UPF2: variants seen among roughly 807,000 people sequenced by gnomAD.
UPF2 encodes regulator of nonsense transcripts 2.
UPF2 carries 17 observed loss-of-function variants against 141.4 expected under a neutral mutation model. That is an observed-to-expected ratio of 0.12 (90% CI 0.08 to 0.18). UPF2 has a LOEUF of 0.18. UPF2 is among the 10% of genes least tolerant of loss of function. The probability of loss-of-function intolerance (pLI) is 1.00; values close to 1 mark genes in which losing one functional copy is unlikely to be tolerated. For synonymous variants in UPF2, 540 were observed against 498.0 expected, an observed-to-expected ratio of 1.08 and a Z score of -1.12; for missense variants, 1,152 against 1,515.9, an observed-to-expected ratio of 0.76 and a Z score of 3.99.
intron 9 of UPF2, among the ~76,000 whole-genome samples, chr10:11,972,412 T>C (rs1261058184): frequency 1.3e-5 from 2 of 152,230 alleles, no homozygotes; most frequent in African/African-American, 4.8e-5. Context: ...CTTTAAGTTC[T>C]AGGGTGCATG....
At position 12,014,230 on chromosome 10, in the gene UPF2, G is replaced by A; in HGVS notation, c.1146-46C>T. 7.6e-7 allele frequency: 1 copy of A among 1,322,872 alleles called. No individual in the cohort carries two copies. Among genetic ancestry groups the A allele is most frequent in the South Asian group, 2.8e-5 (1 of 36,136 alleles). The allele number at this position is 1,322,872 out of a possible 1,614,324, so 81.9% of individuals were successfully genotyped here. ...CTGACAGTCTTATCAAAATAGATGT[G>A]ATCACAAATTGTTATATATGGGAAA... On this transcript the variant is annotated intron_variant, in intron 3 of 21. Coordinates refer to ENST00000357604, the MANE Select transcript of UPF2 (RefSeq NM_015542.4). This position sits in a 1 kb window ranked among gnomAD's most constrained non-coding sequence, Gnocchi z 5.0.
chr10:12,017,369 C>G (rs967025065), intron 3 of UPF2, among the ~76,000 whole-genome samples: 1 of 152,194 alleles, frequency 6.6e-6, no homozygotes, highest in African/African-American at 2.4e-5. Flanking sequence ...CTAAGGATTT[C>G]TAACATATAA....
chr10:11,970,302 A>C (rs1396897163), intron 9 of UPF2, among the ~76,000 whole-genome samples: 1 of 152,234 alleles, frequency 6.6e-6, no homozygotes, highest in Non-Finnish European at 1.5e-5. Flanking sequence ...AAATAACAGA[A>C]AATTATACAT....
intron 3 of UPF2, among the ~76,000 whole-genome samples, chr10:12,021,386 T>TA (rs1384156604): frequency 6.7e-6 from 1 of 149,480 alleles, no homozygotes; most frequent in Admixed American, 6.7e-5. Context: ...AAAATTTTTT[T>TA]AAATTAGCCA....
At chr10:12,024,931 C>CCAA (rs1834389422) in intron 3 of UPF2, among the ~76,000 whole-genome samples, 2 of 53,488 alleles carry the variant, frequency 3.7e-5, no homozygotes, top group Non-Finnish European at 3.2e-5. Flanking sequence ...GACCCTGTTA[C>CCAA]AAAAAAAAAA....
intron 3 of UPF2, among the ~76,000 whole-genome samples, chr10:12,021,022 G>A (rs539394426): frequency 7.0e-4 from 107 of 152,132 alleles, no homozygotes; most frequent in African/African-American, 2.3e-3. Flanking sequence ...AATATTGAGC[G>A]GCTAACATGT....
chr10:11,951,036 A>C (rs1833067730), intron 15 of UPF2, among the ~76,000 whole-genome samples: 1 of 152,190 alleles, frequency 6.6e-6, no homozygotes, highest in Non-Finnish European at 1.5e-5. Context: ...CTAGCTTAAT[A>C]GTCTGAAAAC....
Position 11,941,248 on chromosome 10 carries a change from A to G in UPF2, c.3378+1417T>C, listed in dbSNP as rs893105645. 5.9e-5 allele frequency among the ~76,000 whole-genome samples: 9 copies of G among 152,348 alleles called. No individual in the cohort carries two copies. The South Asian group carries it at 1.4e-3, about 25-fold the overall frequency. On this transcript the variant is annotated intron_variant, in intron 18 of 21. Coordinates refer to ENST00000357604, the MANE Select transcript of UPF2 (RefSeq NM_015542.4). The stretch of plus-strand genomic sequence containing the variant: ...GCTGAGTAAATGGCTACTGATTTAT[A>G]TAAGATGGGAAGTTTCTCAGAGAAG...
rs534077465 is a variant in UPF2, at chr10:11,979,732, C to A, written c.1845-567G>T. Among the ~76,000 whole-genome samples, 1 of 152,188 alleles carries A rather than the reference C, an allele frequency of 6.6e-6. No individual in the cohort carries two copies. Among genetic ancestry groups the A allele is most frequent in the East Asian group, 1.9e-4 (1 of 5,178 alleles). ...CTATCCTGGCTAACACGGTGAAACC[C>A]CGTCTCTACTAAAAATAAAAAAATT... On this transcript the variant is annotated intron_variant, in intron 8 of 21. Transcript: ENST00000357604. This position sits in a 1 kb window ranked among gnomAD's most constrained non-coding sequence, Gnocchi z 6.2.
At chr10:12,021,579 G>GA (rs1221376856) in intron 3 of UPF2, among the ~76,000 whole-genome samples, 1 of 151,926 alleles carries the variant, frequency 6.6e-6, no homozygotes, top group African/African-American at 2.4e-5. Flanking sequence ...ATTTTCATGA[G>GA]AAAAAAAGTG....
At chr10:11,972,063 C>CAAAA (rs58355538) in intron 9 of UPF2, among the ~76,000 whole-genome samples, 3 of 101,002 alleles carry the variant, frequency 3.0e-5, no homozygotes, top group African/African-American at 7.1e-5. Context: ...GACTCTGTCT[C>CAAAA]AAAAAAAAAA....
chr10:12,015,003 A>G (rs899540088), intron 3 of UPF2, among the ~76,000 whole-genome samples: 1 of 152,224 alleles, frequency 6.6e-6, no homozygotes, highest in Non-Finnish European at 1.5e-5. Flanking sequence ...AAAACTACTG[A>G]AAACACCAAA....
intron 3 of UPF2, among the ~76,000 whole-genome samples, chr10:12,020,878 T>C (rs917038028): frequency 1.3e-5 from 2 of 152,220 alleles, no homozygotes; most frequent in African/African-American, 2.4e-5. Flanking sequence ...TTTCAAATTA[T>C]AATTATCCAC....
At chr10:12,009,569 T>C (rs1834093399) in intron 4 of UPF2, among the ~76,000 whole-genome samples, 1 of 152,182 alleles carries the variant, frequency 6.6e-6, no homozygotes, top group Admixed American at 6.5e-5. Context: ...ACACTGGACA[T>C]CAGGCAGTAT....
intron 19 of UPF2, among the ~76,000 whole-genome samples, chr10:11,934,489 G>A (rs990927692): frequency 6.6e-6 from 1 of 152,270 alleles, no homozygotes; most frequent in African/African-American, 2.4e-5. Context: ...GGCAGTGTCT[G>A]AGGAAGATTC....
At chr10:11,999,452 G>A (rs936782481) in intron 7 of UPF2, among the ~76,000 whole-genome samples, 57 of 145,812 alleles carry the variant, frequency 3.9e-4, no homozygotes, top group African/African-American at 1.4e-3. Context: ...GGTGGAGGTT[G>A]CAGTGAGCCA....
rs80228797 is a variant in UPF2, at chr10:11,975,825, G to A, written c.1953+3232C>T. ...GGCCACCGCGCCCGGCCCTAAAAAC[G>A]TTTTTGTAAACATCAATTCAAATGG... On this transcript the variant is annotated intron_variant, in intron 9 of 21. Transcript: ENST00000357604. Among the ~76,000 whole-genome samples the A allele has an allele frequency of 7.2e-3, 1,089 of 152,170 alleles. 15 individuals carry two copies. Among genetic ancestry groups the A allele is most frequent in the African/African-American group, 0.025 (1,026 of 41,504 alleles).
Position 12,010,946 on chromosome 10 carries a change from G to GA in UPF2, c.1306+3077dup, listed in dbSNP as rs1014991723. Among the ~76,000 whole-genome samples the GA allele has an allele frequency of 1.6e-4, 24 of 150,236 alleles. No homozygotes were observed. The East Asian group carries it at 1.8e-3, about 11-fold the overall frequency. On this transcript the variant is annotated intron_variant, in intron 4 of 21. Transcript: ENST00000357604. The stretch of plus-strand genomic sequence containing the variant: ...GAGTAACATCTTTAAAGTACTGAAA[G>GA]AAAAAAAAACTCTTGCCCTTAAGTT...
rs767912194 is a variant in UPF2, at chr10:12,014,206, T to G, written c.1146-22A>C. 42 of 1,375,848 alleles carry G rather than the reference T, an allele frequency of 3.1e-5. No individual in the cohort carries two copies. The highest frequency in any genetic ancestry group is 5.7e-6 in the Non-Finnish European group (6 of 1,051,262). The allele number at this position is 1,375,848 out of a possible 1,614,324, so 85.2% of individuals were successfully genotyped here. ...GCGCCTATAAACAAATGAAATCATC[T>G]GACAGTCTTATCAAAATAGATGTGA... is the stretch of plus-strand genomic sequence containing the variant. On this transcript the variant is annotated intron_variant, in intron 3 of 21. Transcript: ENST00000357604. This position sits in a 1 kb window ranked among gnomAD's most constrained non-coding sequence, Gnocchi z 5.0.
Sources: allele counts gnomAD v4.1 joint callset (sites outside exome capture counted in the v4.1 genomes callset), GRCh38; gene constraint gnomAD v4.1.1; non-coding constraint Gnocchi (gnomAD v3.1); transcripts MANE v1.5; gene names NCBI Gene and HGNC (gene_info 2026-07-23, HGNC 2026-07-21).